ZNF544: variants seen among roughly 807,000 people sequenced by gnomAD.
The protein encoded by ZNF544 is zinc finger protein AF020591.
Under a neutral mutation model 13.5 loss-of-function variants are expected in ZNF544, and 10 were observed. That is an observed-to-expected ratio of 0.74 (90% CI 0.46 to 1.25). ZNF544 has a LOEUF of 1.25. Among genes scored for constraint, ZNF544 ranks in the 50% most tolerant of loss-of-function variants. The probability of loss-of-function intolerance (pLI) is 0.00; values close to 1 mark genes in which losing one functional copy is unlikely to be tolerated. For synonymous variants in ZNF544, 323 were observed against 300.5 expected, an observed-to-expected ratio of 1.07 and a Z score of -0.77; for missense variants, 896 against 845.6, an observed-to-expected ratio of 1.06 and a Z score of -0.74.
At chr19:58,240,085 A>T (rs996842402) in intron 3 of ZNF544, among the ~76,000 whole-genome samples, 6 of 151,904 alleles carry the variant, frequency 3.9e-5, no homozygotes, top group Admixed American at 2.0e-4. Flanking sequence ...TTATTGAGGG[A>T]TGTGTTATGT....
chr19:58,273,815 A>G (rs2445855), intron 5 of ZNF544, among the ~76,000 whole-genome samples: 52,186 of 150,878 alleles, frequency 0.35, 10,159 homozygotes, highest in East Asian at 0.57. Context: ...GTTTTCCCCC[A>G]AGACAGAGTC....
At position 58,261,023 on chromosome 19, in the gene ZNF544, C is replaced by T. The variant is rs1487277472; in HGVS notation, c.417C>T (p.Ser139=). ...SNQLREHQEN[S]LRFMVLTSER... The stretch of plus-strand genomic sequence containing the variant: ...AGTTAAGGGAACACCAGGAGAACTC[C>T]TTGAGGTTCATGGTACTCACCTCAG... Residue 139 remains serine (S), a synonymous_variant, in exon 7 of 7, where the codon TCC becomes TCT. Transcript: ENST00000687789. 2 of 1,614,158 alleles carry T rather than the reference C, an allele frequency of 1.2e-6. No homozygotes were observed. The highest frequency in any genetic ancestry group is 1.7e-6 in the Non-Finnish European group (2 of 1,180,010).
rs747094298 is a variant in ZNF544, at chr19:58,262,312, T to G, written c.1706T>G (p.Ile569Ser). The change falls in exon 7 of 7, where the codon ATT (isoleucine) becomes AGT (serine). Residue 569 changes from isoleucine to serine, a missense_variant. Ile to Ser is a moderately radical substitution (Grantham distance 142, BLOSUM62 -2). Transcript: ENST00000687789. ...TCTAACCTCGTCATACATCAGAGAA[T>G]TCATACTGGAGAGAAACCGTACGAT... is the stretch of plus-strand genomic sequence containing the variant. ...WNSNLVIHQR[I>S]HTGEKPYDCT... The G allele has an allele frequency of 6.2e-7, 1 of 1,613,682 alleles. No individual in the cohort carries two copies. Among genetic ancestry groups the G allele is most frequent in the Admixed American group, 1.7e-5 (1 of 59,962 alleles).
At chr19:58,258,366 G>T (rs1348906856) in intron 6 of ZNF544, 1 of 156,174 alleles carries the variant, frequency 6.4e-6, no homozygotes, top group Non-Finnish European at 1.4e-5. Flanking sequence ...CAGTGCAAGT[G>T]TGAGAGTGCT....
At position 58,235,915 on chromosome 19, in the gene ZNF544, C is replaced by T. The variant is rs564252938; in HGVS notation, c.-60+5453C>T. Among the ~76,000 whole-genome samples, 361 of 151,536 alleles carry T rather than the reference C, an allele frequency of 2.4e-3. 1 individual carries two copies. The highest frequency in any genetic ancestry group is 6.8e-3 in the Middle Eastern group (2 of 292). On this transcript the variant is annotated intron_variant, in intron 3 of 6. Transcript: ENST00000687789. ...GTCTCTACTAGAAATACAAAATTAG[C>T]CAGACATGGTGGCACATGCCTGTAA...
intron 6 of ZNF544, among the ~76,000 whole-genome samples, chr19:58,256,541 A>G (rs2047418294): frequency 6.6e-6 from 1 of 152,184 alleles, no homozygotes; most frequent in African/African-American, 2.4e-5. Context: ...GAGATAAACA[A>G]CTTAAACGGT....
At chr19:58,253,661 A>C (rs1294362509) in intron 6 of ZNF544, among the ~76,000 whole-genome samples, 1 of 151,884 alleles carries the variant, frequency 6.6e-6, no homozygotes, top group Non-Finnish European at 1.5e-5. Flanking sequence ...GCTGGTCTCG[A>C]ACTCCTGACC....
intron 6 of ZNF544, among the ~76,000 whole-genome samples, chr19:58,249,005 A>G (rs2045868589): frequency 6.6e-6 from 1 of 152,236 alleles, no homozygotes; most frequent in African/African-American, 2.4e-5. Flanking sequence ...ACCTCTATGC[A>G]GATGAAAACT....
intron 6 of ZNF544, chr19:58,258,757 A>G (rs934904146): frequency 2.0e-5 from 3 of 152,542 alleles, no homozygotes; most frequent in Non-Finnish European, 4.4e-5. Context: ...ATGTGTTGCC[A>G]AAGGATCCTT....
chr19:58,264,637 G>C (rs568809423), downstream of ZNF544, among the ~76,000 whole-genome samples: 2 of 152,228 alleles, frequency 1.3e-5, no homozygotes, highest in South Asian at 4.1e-4. Context: ...GTTGCAGTTA[G>C]CTGAGATCAT....
rs539962536 is a variant in ZNF544 at position 58,233,807 on chromosome 19, CTTCAGGCTGGCAA to C, written c.-60+3346_-60+3358del. The stretch of plus-strand genomic sequence containing the variant: ...GTGGTGCCCCAGTATCTTCTCTGGG[CTTCAGGCTGGCAA>C]ACGTAACTGCCTGTGTAACATTCCC... On this transcript the variant is annotated intron_variant, in intron 3 of 6. Transcript: ENST00000687789. 4.6e-5 allele frequency among the ~76,000 whole-genome samples: 7 copies of C among 152,274 alleles called. No individual in the cohort carries two copies. The South Asian group carries it at 1.0e-3, about 23-fold the overall frequency.
At chr19:58,276,472 T>A in intron 6 of ZNF544, 1 of 1,163,380 alleles carries the variant, frequency 8.6e-7, no homozygotes, top group Non-Finnish European at 1.1e-6. Context: ...TTATTTTTAT[T>A]TTATTTTATT....
chr19:58,263,864 G>C (rs2049479959), downstream of ZNF544: 1 of 152,364 alleles, frequency 6.6e-6, no homozygotes, highest in African/African-American at 2.4e-5. Context: ...GTAGGCCAAG[G>C]TGGGTGGATC....
At chr19:58,255,884 A>G (rs982734873) in intron 6 of ZNF544, among the ~76,000 whole-genome samples, 15 of 152,252 alleles carry the variant, frequency 9.9e-5, no homozygotes, top group Non-Finnish European at 2.2e-4. Flanking sequence ...GCAACACCAG[A>G]GGGTGGCCCT....
chr19:58,261,729 A>G lies in ZNF544; in HGVS notation c.1123A>G (p.Thr375Ala). Residue 375 changes from threonine (T) to alanine (A), a missense_variant, in exon 7 of 7, where the codon ACT (threonine) becomes GCT (alanine). Transcript: ENST00000687789. ...TAAGCTCATACACCAGAGAACACAC[A>G]CTGGAGAAAAGCCCTTCGAATGTAC... is the stretch of plus-strand genomic sequence containing the variant. The part of the protein sequence containing the change: ...CCKLIHQRTH[T>A]GEKPFECTQC... The G allele has an allele frequency of 6.2e-7, 1 of 1,614,264 alleles. No homozygotes were observed. Among genetic ancestry groups the G allele is most frequent in the Non-Finnish European group, 8.5e-7 (1 of 1,180,046 alleles).
chr19:58,239,155 G>A (rs1413158095), intron 3 of ZNF544, among the ~76,000 whole-genome samples: 1 of 152,170 alleles, frequency 6.6e-6, no homozygotes, highest in African/African-American at 2.4e-5. Context: ...TAAGAGTCCT[G>A]TGCCTGACAC....
intron 4 of ZNF544, 79 bp downstream of exon 4, chr19:58,244,135 A>C: frequency 7.8e-7 from 1 of 1,285,558 alleles, no homozygotes. Flanking sequence ...CCGCCCCTGC[A>C]GGCTGTCACA....
intron 5 of ZNF544, among the ~76,000 whole-genome samples, chr19:58,274,179 T>C (rs936836215): frequency 6.6e-6 from 1 of 152,040 alleles, no homozygotes; most frequent in Admixed American, 6.6e-5. Flanking sequence ...ATTTTATTAA[T>C]ATAATTTTTC....
rs565406477 is a variant in ZNF544 at position 58,262,733 on chromosome 19, A to C, written c.2127A>C (p.Thr709=). 38 of 1,604,108 alleles carry C rather than the reference A, an allele frequency of 2.4e-5. No individual in the cohort carries two copies. The highest frequency in any genetic ancestry group is 3.3e-4 in the Middle Eastern group (2 of 6,014). The change falls in exon 7 of 7, where the codon ACA becomes ACC. Residue 709 remains threonine (T), a synonymous_variant. Transcript: ENST00000687789. ...QQSQLVVHRR[T]HTGEKP is the part of the protein sequence containing the mutation. ...CTCAACTTGTAGTGCATCGGCGGAC[A>C]CATACTGGAGAGAAACCTTAGGAGT...
Sources: gnomAD v4.1 joint callset for allele counts (sites outside exome capture counted in the v4.1 genomes callset) on GRCh38, gnomAD v4.1.1 for gene constraint, MANE v1.5 for transcripts, NCBI Gene and HGNC (gene_info 2026-07-23, HGNC 2026-07-21) for gene names.